DCAF12: variants seen among roughly 807,000 people sequenced by gnomAD.
DCAF12 encodes DDB1- and CUL4-associated factor 12.
Under a neutral mutation model 52.8 loss-of-function variants are expected in DCAF12, and 28 were observed. The ratio of observed to expected loss-of-function variants is 0.53; its 90% CI spans 0.39 to 0.73. The LOEUF (loss-of-function observed/expected upper bound fraction) is 0.73, where lower values mean the gene tolerates loss of function less well. Ranked by LOEUF, DCAF12 falls within the 30% of genes least tolerant of loss-of-function variation. DCAF12 has a pLI of 0.00. For synonymous variants in DCAF12, 196 were observed against 215.5 expected, an observed-to-expected ratio of 0.91 and a Z score of 0.79; for missense variants, 425 against 552.2, an observed-to-expected ratio of 0.77 and a Z score of 2.31.
rs74326483 is a variant in DCAF12, at chr9:34,097,939, G to GAA, written c.795+383_795+384dup. Among the ~76,000 whole-genome samples, 62 of 98,116 alleles carry GAA rather than the reference G, an allele frequency of 6.3e-4. 1 individual carries two copies. The highest frequency in any genetic ancestry group is 4.1e-3 in the South Asian group (13 of 3,152). 64.4% of individuals were successfully genotyped at this position (98,116 alleles called of 152,430 possible). The stretch of plus-strand genomic sequence containing the variant: ...CAGGAGCAAAACACAGTCTCAAAAA[G>GAA]AAAAAAAAAAAAAAAGGAATGAATA... On this transcript the variant is annotated intron_variant, in intron 5 of 8. Coordinates refer to ENST00000361264, the MANE Select transcript of DCAF12 (RefSeq NM_015397.4).
intron 2 of DCAF12, among the ~76,000 whole-genome samples, chr9:34,118,065 G>C (rs1208338583): frequency 6.6e-6 from 1 of 152,176 alleles, no homozygotes; most frequent in Non-Finnish European, 1.5e-5. Flanking sequence ...TAGTCCAATA[G>C]TCTGATTTCA....
intron 2 of DCAF12, among the ~76,000 whole-genome samples, chr9:34,114,906 T>TA (rs1039113471): frequency 1.3e-5 from 2 of 151,854 alleles, no homozygotes; most frequent in Admixed American, 1.3e-4. Context: ...GGTCAAGGCT[T>TA]CAGTGAGCTA....
In DCAF12 at chr9:34,109,812, T is replaced by C. The variant is rs533810398; in HGVS notation, c.334-2247A>G. ...GGTGGCTCAGGACACCATAGGTGGG[T>C]GTGGGCAGCTTTAGGGGTCGGAAGC... On this transcript the variant is annotated intron_variant, in intron 2 of 8. Transcript: ENST00000361264. The C allele has an allele frequency of 2.6e-5, 9 of 343,672 alleles. No homozygotes were observed. The East Asian group carries it at 8.0e-4, about 31-fold the overall frequency. 21.3% of individuals were successfully genotyped at this position (343,672 alleles called of 1,614,324 possible).
intron 4 of DCAF12, among the ~76,000 whole-genome samples, chr9:34,099,090 C>A (rs954901488): frequency 1.3e-5 from 2 of 148,972 alleles, no homozygotes; most frequent in Admixed American, 6.7e-5. Flanking sequence ...TTTTTTGAGA[C>A]AGAGTCTCGC....
chr9:34,107,992 T>C (rs1354875362), intron 2 of DCAF12, among the ~76,000 whole-genome samples: 1 of 152,134 alleles, frequency 6.6e-6, no homozygotes, highest in African/African-American at 2.4e-5. Flanking sequence ...TGGCTACTAA[T>C]ATAACTATTA....
chr9:34,122,878 T>C (rs1179224934), intron 2 of DCAF12, among the ~76,000 whole-genome samples: 1 of 152,236 alleles, frequency 6.6e-6, no homozygotes, highest in African/African-American at 2.4e-5. Context: ...TACTACTCCT[T>C]ACTGTCTTGC....
chr9:34,100,578 T>G (rs190821748), intron 4 of DCAF12, among the ~76,000 whole-genome samples: 86 of 150,246 alleles, frequency 5.7e-4, no homozygotes, highest in African/African-American at 2.0e-3. Flanking sequence ...CATCCCAACC[T>G]CCACCTCCTG....
intron 4 of DCAF12, among the ~76,000 whole-genome samples, chr9:34,098,943 T>C (rs1020114118): frequency 6.6e-6 from 1 of 151,558 alleles, no homozygotes; most frequent in East Asian, 1.9e-4. Context: ...ATTTTTTTTG[T>C]ATTTTTAGTA....
At chr9:34,118,258 C>T (rs1266731368) in intron 2 of DCAF12, among the ~76,000 whole-genome samples, 1 of 152,088 alleles carries the variant, frequency 6.6e-6, no homozygotes, top group East Asian at 1.9e-4. Flanking sequence ...CTCAGACTCC[C>T]GAGTAGCCGG....
intron 2 of DCAF12, among the ~76,000 whole-genome samples, chr9:34,120,924 C>CAGGTGGATCACCTGAGGT (rs1829163875): frequency 6.6e-6 from 1 of 152,040 alleles, no homozygotes; most frequent in Non-Finnish European, 1.5e-5. Flanking sequence ...GAGGCTGAGG[C>CAGGTGGATCACCTGAGGT]AGGTGGATCA....
chr9:34,120,687 A>AG (rs60507549), intron 2 of DCAF12, among the ~76,000 whole-genome samples: 1 of 141,130 alleles, frequency 7.1e-6, no homozygotes, highest in Non-Finnish European at 1.6e-5. Context: ...AAAAAAAAAA[A>AG]GAAAACAAAG....
chr9:34,096,564 A>G (rs1035361995), intron 6 of DCAF12, 152 bp downstream of exon 6: 2 of 679,558 alleles, frequency 2.9e-6, no homozygotes, highest in Non-Finnish European at 4.8e-6. Flanking sequence ...AGATTGCACC[A>G]CTGCACTCCA....
intron 2 of DCAF12, among the ~76,000 whole-genome samples, chr9:34,112,707 T>C (rs906409604): frequency 1.3e-5 from 2 of 151,748 alleles, no homozygotes. Context: ...GAGACCAGCC[T>C]GACCAACATG....
At position 34,126,572 on chromosome 9, in the gene DCAF12, A is replaced by G; in HGVS notation, c.-141T>C. 2.3e-6 allele frequency: 2 copies of G among 864,728 alleles called. No homozygotes were observed. The highest frequency in any genetic ancestry group is 1.7e-6 in the Non-Finnish European group (1 of 582,166). The allele number at this position is 864,728 out of a possible 1,614,324, so 53.6% of individuals were successfully genotyped here. On this transcript the variant is annotated 5_prime_UTR_variant, in exon 1 of 9. Transcript: ENST00000361264. ...GAAAATGGCCCGGACCCGGAGCGGCAGCAGAAAAAAGATAGGCGGAAAGAA... is the reference window on the plus strand; with the variant it reads ...GAAAATGGCCCGGACCCGGAGCGGCGGCAGAAAAAAGATAGGCGGAAAGAA...
chr9:34,091,902 C>T (rs1470183489), intron 7 of DCAF12, among the ~76,000 whole-genome samples: 1 of 152,110 alleles, frequency 6.6e-6, no homozygotes, highest in African/African-American at 2.4e-5. Flanking sequence ...CTGTGTGATG[C>T]TGGGCAAGTT....
At chr9:34,095,511 T>G (rs1828723023) in intron 6 of DCAF12, among the ~76,000 whole-genome samples, 1 of 147,144 alleles carries the variant, frequency 6.8e-6, no homozygotes, top group Admixed American at 6.9e-5. Context: ...ACTGCTACCC[T>G]CCAGTAGCTG....
chr9:34,110,990 T>TTG (rs1828993829), intron 2 of DCAF12, among the ~76,000 whole-genome samples: 1 of 149,852 alleles, frequency 6.7e-6, no homozygotes, highest in Admixed American at 6.6e-5. Flanking sequence ...TTTCTGTTTT[T>TTG]TTTTTTTTTT....
chr9:34,092,085 A>T (rs1828653728), intron 7 of DCAF12, among the ~76,000 whole-genome samples: 1 of 152,206 alleles, frequency 6.6e-6, no homozygotes, highest in Non-Finnish European at 1.5e-5. Flanking sequence ...TCTTACAGAG[A>T]ATATGTTATA....
At chr9:34,104,345 C>G (rs1002250873) in intron 4 of DCAF12, among the ~76,000 whole-genome samples, 2 of 152,032 alleles carry the variant, frequency 1.3e-5, no homozygotes, top group Non-Finnish European at 2.9e-5. Flanking sequence ...GAAAAGGCCA[C>G]AGAGACAAGG....
Sources: gnomAD v4.1 joint callset for allele counts (sites outside exome capture counted in the v4.1 genomes callset) on GRCh38, gnomAD v4.1.1 for gene constraint, MANE v1.5 for transcripts, NCBI Gene and HGNC (gene_info 2026-07-23, HGNC 2026-07-21) for gene names.